BMPR1B: variants seen among roughly 807,000 people sequenced by gnomAD.
BMPR1B encodes bone morphogenetic protein receptor type 1B, also known as bone morphogenetic protein receptor type-1B.
A neutral mutation model predicts 59.1 loss-of-function variants in BMPR1B; 12 were observed. That is an observed-to-expected ratio of 0.20 (90% confidence interval 0.13 to 0.33). The LOEUF (loss-of-function observed/expected upper bound fraction) is 0.33. BMPR1B is among the 10% of genes least tolerant of loss of function. The pLI is 1.00. For synonymous variants in BMPR1B, 237 were observed against 207.3 expected (o/e 1.14, Z -1.23); for missense variants, 550 against 610.9 (o/e 0.90, Z 1.05).
chr4:94,770,173 C>A (rs56380365), intron 1 of BMPR1B, among the ~76,000 whole-genome samples: 6,310 of 78,828 alleles, frequency 0.08, 412 homozygotes, highest in African/African-American at 0.23. Flanking sequence ...AATTGTCCTT[C>A]GTTTCTGTGT....
At chr4:94,808,211 TACTC>T (rs1723683413) in intron 1 of BMPR1B, among the ~76,000 whole-genome samples, 1 of 152,168 alleles carries the variant, frequency 6.6e-6, no homozygotes, top group Non-Finnish European at 1.5e-5. Context: ...AGATGTTAGA[TACTC>T]AATATACAAA....
chr4:95,036,704 C>CTTTTTTTTTTTTTTTTTTTTTTTTTTT (rs5860386), intron 3 of BMPR1B, among the ~76,000 whole-genome samples: 2 of 128,094 alleles, frequency 1.6e-5, no homozygotes, highest in Non-Finnish European at 3.3e-5. Flanking sequence ...ATACAATTTC[C>CTTTTTTTTTTTTTTTTTTTTTTTTTTT]TTTTTTTTTT....
chr4:95,021,137 G>C (rs189277397), intron 3 of BMPR1B, among the ~76,000 whole-genome samples: 166 of 152,274 alleles, frequency 1.1e-3, no homozygotes, highest in African/African-American at 3.8e-3. Context: ...AACAAATAGC[G>C]TATTCCTAAT....
intron 3 of BMPR1B, among the ~76,000 whole-genome samples, chr4:95,074,579 C>T (rs1458042588): frequency 6.6e-6 from 1 of 152,108 alleles, no homozygotes; most frequent in Non-Finnish European, 1.5e-5. Context: ...TGTCCTACCA[C>T]TTCCAGCTAC....
intron 3 of BMPR1B, among the ~76,000 whole-genome samples, chr4:95,072,444 C>G (rs1340200161): frequency 6.6e-6 from 1 of 152,246 alleles, no homozygotes; most frequent in African/African-American, 2.4e-5. Context: ...GCATCTTAGG[C>G]TTAGCTCTAG....
At position 95,076,139 on chromosome 4, in the gene BMPR1B, A is replaced by T. The variant is rs72874700; in HGVS notation, c.-17-28269A>T. 7.8e-3 allele frequency among the ~76,000 whole-genome samples: 1,182 copies of T among 152,138 alleles called. 16 individuals carry two copies. The highest frequency in any genetic ancestry group is 0.027 in the African/African-American group (1,117 of 41,532). On this transcript the variant is annotated intron_variant, in intron 3 of 12. Coordinates refer to ENST00000515059, the MANE Select transcript of BMPR1B (RefSeq NM_001203.3). ...CCCAAGAGTCCTAACTTGACTTACA[A>T]CCCTCATTTCACTGTATGTGTAGTA...
chr4:94,920,003 T>G (rs1728629799), intron 2 of BMPR1B, among the ~76,000 whole-genome samples: 1 of 152,184 alleles, frequency 6.6e-6, no homozygotes, highest in South Asian at 2.1e-4. Flanking sequence ...TTTTATTGGA[T>G]TATGGTGCCT....
In BMPR1B at chr4:95,152,785, G is replaced by A. The variant is rs1579171886; in HGVS notation, c.1383+12G>A. On this transcript the variant is annotated intron_variant, in intron 12 of 12. Coordinates refer to ENST00000515059, the MANE Select transcript of BMPR1B (RefSeq NM_001203.3). ...GGAGCAGTGATGAGGTAAGGCTTGAGGTAACCATGTGGCTGTGACAGACTT... is the reference window on the plus strand; with the variant it reads ...GGAGCAGTGATGAGGTAAGGCTTGAAGTAACCATGTGGCTGTGACAGACTT... 6.2e-7 allele frequency: 1 copy of A among 1,611,724 alleles called. No homozygotes were observed. The highest frequency in any genetic ancestry group is 8.5e-7 in the Non-Finnish European group (1 of 1,178,992).
At chr4:94,981,936 A>G (rs1335578393) in intron 2 of BMPR1B, among the ~76,000 whole-genome samples, 1 of 152,220 alleles carries the variant, frequency 6.6e-6, no homozygotes, top group African/African-American at 2.4e-5. Flanking sequence ...CTTTCAGCAG[A>G]TAGGCTTAAG....
intron 1 of BMPR1B, among the ~76,000 whole-genome samples, chr4:94,798,825 T>A (rs895599682): frequency 2.0e-5 from 3 of 151,944 alleles, no homozygotes; most frequent in African/African-American, 7.3e-5. Context: ...TTTCTCTTCT[T>A]CTTTACTCTC....
chr4:95,096,781 A>G (rs1216618139), intron 3 of BMPR1B, among the ~76,000 whole-genome samples: 1 of 138,916 alleles, frequency 7.2e-6, no homozygotes, highest in Non-Finnish European at 1.5e-5. Context: ...ATAGTTATAT[A>G]TAACTATATA....
intron 1 of BMPR1B, among the ~76,000 whole-genome samples, chr4:94,767,361 A>T (rs1403369995): frequency 1.3e-5 from 2 of 152,086 alleles, no homozygotes; most frequent in African/African-American, 2.4e-5. Flanking sequence ...TATAATTTTG[A>T]GTAGGAATTA....
At chr4:95,014,424 A>G (rs992472855) in intron 3 of BMPR1B, among the ~76,000 whole-genome samples, 6 of 152,192 alleles carry the variant, frequency 3.9e-5, no homozygotes, top group African/African-American at 1.4e-4. Context: ...GAAACAATGA[A>G]AAAAGCCTGA....
chr4:94,921,387 A>G (rs962620262), intron 2 of BMPR1B, among the ~76,000 whole-genome samples: 1 of 152,110 alleles, frequency 6.6e-6, no homozygotes, highest in African/African-American at 2.4e-5. Flanking sequence ...TATAAATAAG[A>G]GGTTTAATTG....
Position 94,763,490 on chromosome 4 carries a change from G to A in BMPR1B, c.-183+5422G>A, listed in dbSNP as rs114507947. ...TTCAACAAGGATATGGCTGCATGTG[G>A]CGTCAGCTTTGGAAGATATTAAGTA... is the stretch of plus-strand genomic sequence containing the variant. On this transcript the variant is annotated intron_variant, in intron 1 of 12. Transcript: ENST00000515059. Among the ~76,000 whole-genome samples, 476 of 152,290 alleles carry A rather than the reference G, an allele frequency of 3.1e-3. 2 individuals are homozygous for A. Among genetic ancestry groups the A allele is most frequent in the Non-Finnish European group, 5.3e-3 (361 of 68,024 alleles).
intron 2 of BMPR1B, among the ~76,000 whole-genome samples, chr4:94,992,724 A>G (rs1361511471): frequency 6.6e-6 from 1 of 152,170 alleles, no homozygotes; most frequent in African/African-American, 2.4e-5. Context: ...CAAATGCATA[A>G]TATCATTCAT....
At chr4:94,875,615 C>T (rs112614639) in intron 1 of BMPR1B, among the ~76,000 whole-genome samples, 1 of 152,140 alleles carries the variant, frequency 6.6e-6, no homozygotes, top group African/African-American at 2.4e-5. Flanking sequence ...ACCCGGGAGG[C>T]GGAGCTTGCA....
intron 4 of BMPR1B, among the ~76,000 whole-genome samples, chr4:95,106,679 A>G (rs540118976): frequency 1.5e-4 from 23 of 152,198 alleles, no homozygotes; most frequent in Non-Finnish European, 2.8e-4. Flanking sequence ...TAGAGGTATC[A>G]GTATGCAGTT....
At chr4:94,867,098 G>T (rs966376014) in intron 1 of BMPR1B, among the ~76,000 whole-genome samples, 1 of 152,018 alleles carries the variant, frequency 6.6e-6, no homozygotes, top group Non-Finnish European at 1.5e-5. Flanking sequence ...CTTCTCTGGG[G>T]TCTTTTACTG....
Sources: allele counts gnomAD v4.1 joint callset (sites outside exome capture counted in the v4.1 genomes callset), GRCh38; gene constraint gnomAD v4.1.1; transcripts MANE v1.5; gene names NCBI Gene and HGNC (gene_info 2026-07-23, HGNC 2026-07-21).